The following SVIL variants were observed in gnomAD, a reference collection of about 807,000 sequenced individuals.
SVIL encodes the protein archvillin.
Under a neutral mutation model 240.4 loss-of-function variants are expected in SVIL, and 101 were observed. That is an observed-to-expected ratio of 0.42 (90% CI 0.36 to 0.50). SVIL has a LOEUF of 0.50. Ranked by LOEUF, SVIL falls within the 20% of genes least tolerant of loss-of-function variation. The pLI is 0.01. For missense variants in SVIL, 2,512 were observed against 2,818.7 expected (o/e 0.89, Z 2.46); for synonymous variants, 999 against 1,100.0 (o/e 0.91, Z 1.82).
chr10:29,526,046 T>G (rs901945577), intron 13 of SVIL, among the ~76,000 whole-genome samples: 11 of 152,182 alleles, frequency 7.2e-5, no homozygotes, highest in African/African-American at 2.7e-4. Flanking sequence ...TGAAGGGATA[T>G]GACCTGATGT....
At chr10:29,539,467 G>T (rs1951985168) in intron 6 of SVIL, among the ~76,000 whole-genome samples, 1 of 152,160 alleles carries the variant, frequency 6.6e-6, no homozygotes, top group Non-Finnish European at 1.5e-5. Flanking sequence ...CCAAGTAAGG[G>T]TTTCAGGATC....
intron 14 of SVIL, 65 bp downstream of exon 14, chr10:29,524,407 A>C (rs1050348628): frequency 6.3e-7 from 1 of 1,599,194 alleles, no homozygotes; most frequent in African/African-American, 1.3e-5. Context: ...CCTCAGAGGA[A>C]TACTGCAGTG....
At chr10:29,618,483 C>T (rs933267786) in intron 1 of SVIL, among the ~76,000 whole-genome samples, 4 of 152,148 alleles carry the variant, frequency 2.6e-5, no homozygotes, top group Admixed American at 1.3e-4. Context: ...CATGTTCAGA[C>T]CCCAGCCTTC....
intron 3 of SVIL, among the ~76,000 whole-genome samples, chr10:29,559,554 ATAG>A (rs1589252886): frequency 1.3e-5 from 2 of 152,326 alleles, no homozygotes; most frequent in East Asian, 3.9e-4. Flanking sequence ...ATGTTTAGTA[ATAG>A]TAGTTATTAT....
chr10:29,518,686 C>T (rs1281684960), intron 16 of SVIL, among the ~76,000 whole-genome samples: 1 of 152,026 alleles, frequency 6.6e-6, no homozygotes, highest in Non-Finnish European at 1.5e-5. Flanking sequence ...TGAAGCCCCG[C>T]CTCTACTAAA....
intron 16 of SVIL, among the ~76,000 whole-genome samples, chr10:29,519,195 T>C (rs944072858): frequency 6.6e-6 from 1 of 152,236 alleles, no homozygotes; most frequent in Non-Finnish European, 1.5e-5. Context: ...AACACTGCTG[T>C]CTAGCTGGGA....
chr10:29,669,581 T>C (rs1460384034), intron 2 of SVIL, among the ~76,000 whole-genome samples: 1 of 152,142 alleles, frequency 6.6e-6, no homozygotes, highest in South Asian at 2.1e-4. Context: ...GGGAGGTGGA[T>C]GAGAAGAAGC....
rs1481608684 is a variant in SVIL at position 29,529,806 on chromosome 10, C to T, written c.2145G>A (p.Lys715=). ...EKSFDEQNVP[K]RRSRNTAVEQ... ...CCACAGCTGTGTTTCTTGAGCGTCG[C>T]TTTGGAACATTTTGTTCATCAAAAG... is the stretch of plus-strand genomic sequence containing the variant. The change falls in exon 12 of 38, where the codon AAG becomes AAA. Residue 715 remains lysine, a synonymous_variant. Transcript: ENST00000355867. 6.2e-7 allele frequency: 1 copy of T among 1,612,744 alleles called. No homozygotes were observed. The highest frequency in any genetic ancestry group is 1.3e-5 in the African/African-American group (1 of 74,818).
At chr10:29,585,468 C>T (rs1956127560) in intron 1 of SVIL, among the ~76,000 whole-genome samples, 1 of 152,134 alleles carries the variant, frequency 6.6e-6, no homozygotes. Flanking sequence ...GGATTATAGG[C>T]ATGAGCCACC....
intron 29 of SVIL, among the ~76,000 whole-genome samples, chr10:29,479,953 A>G (rs553218898): frequency 2.6e-5 from 4 of 152,310 alleles, no homozygotes; most frequent in African/African-American, 7.2e-5. Flanking sequence ...CCAAGCATCC[A>G]GGTGAGTGTT....
intron 3 of SVIL, among the ~76,000 whole-genome samples, chr10:29,641,523 G>A (rs1037949975): frequency 5.9e-5 from 9 of 152,016 alleles, no homozygotes; most frequent in South Asian, 2.1e-4. Context: ...AGCCGAGATC[G>A]CGCCACTGCA....
rs1178820509 is a variant in SVIL at position 29,544,969 on chromosome 10, G to T, written c.827+5628C>A. 3 of 533,878 alleles carry T rather than the reference G, an allele frequency of 5.6e-6. No homozygotes were observed. In the East Asian group the frequency reaches 1.6e-4, roughly 29 times the overall value. 33.1% of individuals were successfully genotyped at this position (533,878 alleles called of 1,614,324 possible). A position where few individuals can be genotyped will look rare whatever the true frequency, so the allele number is the denominator to read the frequency against. On this transcript the variant is annotated intron_variant, in intron 6 of 37. Coordinates refer to ENST00000355867, the MANE Select transcript of SVIL (RefSeq NM_021738.3). ...AATAAGCTGTGAGGAGGACCCAGAT[G>T]TCTGTTCTTTAGAATGGCCCCCAAG...
chr10:29,658,616 C>T (rs1045801717), intron 2 of SVIL, among the ~76,000 whole-genome samples: 2 of 152,064 alleles, frequency 1.3e-5, no homozygotes, highest in African/African-American at 4.8e-5. Flanking sequence ...ATTAGCTGAG[C>T]GTGGAGGTGT....
intron 2 of SVIL, among the ~76,000 whole-genome samples, chr10:29,566,633 C>T (rs1230039103): frequency 6.6e-6 from 1 of 152,214 alleles, no homozygotes; most frequent in African/African-American, 2.4e-5. Context: ...TTGTAAAATT[C>T]AGGACGGTTC....
chr10:29,471,839 G>A lies in SVIL; in HGVS notation c.5530-596C>T, dbSNP rs966319159. Among the ~76,000 whole-genome samples the A allele has an allele frequency of 2.6e-5, 4 of 152,336 alleles. 1 individual carries two copies. The highest frequency in any genetic ancestry group is 2.6e-4 in the Admixed American group (4 of 15,304). ...ATGTTTCCTGGAGCTGGTAGTCAGG[G>A]AGCACTGAGAGAAAGCATTTCTCAC... On this transcript the variant is annotated intron_variant, in intron 30 of 37. Transcript: ENST00000355867.
chr10:29,532,144 C>T lies in SVIL; in HGVS notation c.1867G>A (p.Gly623Arg). ...LKSRVERSAE[G>R]PGLPTGVERE... is the part of the protein sequence containing the mutation. ...TCCACACCGGTGGGCAAGCCAGGTC[C>T]TTCAGCCGACCTCTCCACCCGTGAT... The change falls in exon 9 of 38, where the codon GGA becomes AGA. Residue 623 changes from glycine (G) to arginine (R), a missense_variant. Gly to Arg is a moderately radical substitution (Grantham distance 125, BLOSUM62 -2). Transcript: ENST00000355867. 1 of 1,613,986 alleles carries T rather than the reference C, an allele frequency of 6.2e-7. No individual in the cohort carries two copies. The highest frequency in any genetic ancestry group is 8.5e-7 in the Non-Finnish European group (1 of 1,179,884).
intron 1 of SVIL, among the ~76,000 whole-genome samples, chr10:29,585,480 C>T (rs578233955): frequency 9.9e-5 from 15 of 152,258 alleles, no homozygotes; most frequent in African/African-American, 2.9e-4. Context: ...TGAGCCACCA[C>T]GCCCGCCAAA....
At chr10:29,556,277 AAG>A (rs1953927036) in intron 3 of SVIL, among the ~76,000 whole-genome samples, 1 of 152,164 alleles carries the variant, frequency 6.6e-6, no homozygotes, top group African/African-American at 2.4e-5. Flanking sequence ...GGGTGGGAGA[AAG>A]AGAGAGGGGT....
At chr10:29,548,420 G>T (rs528651998) in intron 6 of SVIL, among the ~76,000 whole-genome samples, 75 of 152,186 alleles carry the variant, frequency 4.9e-4, no homozygotes, top group African/African-American at 1.7e-3. Flanking sequence ...CTTTAAGCAG[G>T]ACAGTTAAGT....
Sources: gnomAD v4.1 joint callset for allele counts (sites outside exome capture counted in the v4.1 genomes callset) on GRCh38, gnomAD v4.1.1 for gene constraint, MANE v1.5 for transcripts, NCBI Gene and HGNC (gene_info 2026-07-23, HGNC 2026-07-21) for gene names.